Variants in MEGF11 observed in about 807,000 individuals in gnomAD.
The protein encoded by MEGF11 is multiple EGF like domains 11.
In MEGF11, 126 loss-of-function variants were observed where a neutral mutation model predicts 146.6. The ratio of observed to expected loss-of-function variants is 0.86; its 90% CI spans 0.74 to 1.00. The LOEUF is 1.00. MEGF11 is among the 50% of genes least tolerant of loss of function. MEGF11 has a pLI of 0.00. For missense variants in MEGF11, 1,509 were observed against 1,521.2 expected (o/e 0.99, Z 0.13); for synonymous variants, 532 against 583.4 (o/e 0.91, Z 1.27).
At position 65,897,001 on chromosome 15, in the gene MEGF11, C is replaced by T. The variant is rs2078370772; in HGVS notation, c.*933G>A. 6.6e-6 allele frequency: 1 copy of T among 152,206 alleles called. No homozygotes were observed. The highest frequency in any genetic ancestry group is 2.4e-5 in the African/African-American group (1 of 41,468). The allele number at this position is 152,206 out of a possible 1,614,324, so 9.4% of individuals were successfully genotyped here. A position where few individuals can be genotyped will look rare whatever the true frequency, so the allele number is the denominator to read the frequency against. On this transcript the variant is annotated 3_prime_UTR_variant, in exon 26 of 26. Transcript: ENST00000395614. ...TTTATGAAGAACTTGAAAGCAAGTA[C>T]TCTTGAGTCAAGGGATGCTGACCAA...
At chr15:66,123,877 A>G (rs1240442115) in intron 3 of MEGF11, 22 bp downstream of exon 3, 1 of 1,598,274 alleles carries the variant, frequency 6.3e-7, no homozygotes, top group Non-Finnish European at 8.6e-7. Context: ...TCCCTGCCCC[A>G]TCATCTGAGA....
intron 1 of MEGF11, among the ~76,000 whole-genome samples, chr15:66,217,970 C>T (rs1368004539): frequency 6.6e-6 from 1 of 152,186 alleles, no homozygotes; most frequent in Non-Finnish European, 1.5e-5. Context: ...GTCCTGAAGC[C>T]AATAACTTGC....
intron 20 of MEGF11, among the ~76,000 whole-genome samples, chr15:65,913,151 A>T (rs1355842052): frequency 1.3e-5 from 2 of 152,186 alleles, no homozygotes; most frequent in African/African-American, 2.4e-5. Context: ...ACTCCCAAAT[A>T]AAATGCCTAT....
At chr15:66,124,081 A>G (rs1428558993) in intron 2 of MEGF11, 81 bp from the exon 3 acceptor site, 2 of 1,142,416 alleles carry the variant, frequency 1.8e-6, no homozygotes, top group Non-Finnish European at 2.6e-6. Flanking sequence ...CTGAGCCCAC[A>G]GCCCTGAGGC....
At chr15:66,188,528 C>A (rs956496665) in intron 1 of MEGF11, among the ~76,000 whole-genome samples, 2 of 152,174 alleles carry the variant, frequency 1.3e-5, no homozygotes, top group Non-Finnish European at 2.9e-5. Context: ...GACCTTCCCG[C>A]ACACACGCTC....
intron 5 of MEGF11, among the ~76,000 whole-genome samples, chr15:66,017,135 C>T (rs1011323015): frequency 1.3e-5 from 2 of 152,088 alleles, no homozygotes; most frequent in African/African-American, 2.4e-5. Flanking sequence ...CAGTAGGGGA[C>T]GGAGGAGGGG....
At chr15:65,943,514 C>T (rs1201876363) in intron 10 of MEGF11, among the ~76,000 whole-genome samples, 1 of 152,124 alleles carries the variant, frequency 6.6e-6, no homozygotes, top group African/African-American at 2.4e-5. Context: ...GTGTGATTAA[C>T]ACGTGAGCCC....
chr15:66,207,084 A>C (rs1169661369), intron 1 of MEGF11, among the ~76,000 whole-genome samples: 2 of 152,190 alleles, frequency 1.3e-5, no homozygotes, highest in Admixed American at 6.6e-5. Context: ...ATGTCAATAC[A>C]CACATAATGG....
chr15:66,039,446 C>G (rs2083862834), intron 5 of MEGF11, among the ~76,000 whole-genome samples: 1 of 152,214 alleles, frequency 6.6e-6, no homozygotes, highest in Non-Finnish European at 1.5e-5. Flanking sequence ...TGTGCATTTG[C>G]TCTCTAATGT....
intron 1 of MEGF11, among the ~76,000 whole-genome samples, chr15:66,164,490 C>T (rs2090045128): frequency 6.6e-6 from 1 of 152,178 alleles, no homozygotes; most frequent in African/African-American, 2.4e-5. Flanking sequence ...GCCATGGACC[C>T]TGGGCAAGTG....
At chr15:66,077,337 G>A (rs1003019032) in intron 5 of MEGF11, among the ~76,000 whole-genome samples, 9 of 152,126 alleles carry the variant, frequency 5.9e-5, no homozygotes, top group African/African-American at 1.9e-4. Flanking sequence ...GCATCTTTCC[G>A]ATCTCTCCAC....
intron 4 of MEGF11, among the ~76,000 whole-genome samples, chr15:66,105,913 C>A (rs1270141832): frequency 6.6e-6 from 1 of 152,208 alleles, no homozygotes; most frequent in Non-Finnish European, 1.5e-5. Context: ...CAGTTGCCGC[C>A]ACTCTGGCTC....
At chr15:66,126,166 T>G (rs545068013) in intron 2 of MEGF11, among the ~76,000 whole-genome samples, 12 of 152,172 alleles carry the variant, frequency 7.9e-5, no homozygotes, top group African/African-American at 2.9e-4. Context: ...CCAGAAGCAC[T>G]AATCCAGCTG....
At chr15:65,955,789 T>C (rs1161299110) in intron 10 of MEGF11, among the ~76,000 whole-genome samples, 228 of 6,340 alleles carry the variant, frequency 0.036, 24 homozygotes, top group Non-Finnish European at 0.092. Flanking sequence ...TATATATATA[T>C]ATATACACAC....
intron 1 of MEGF11, among the ~76,000 whole-genome samples, chr15:66,187,651 C>T (rs574329995): frequency 6.6e-6 from 1 of 151,642 alleles, no homozygotes; most frequent in African/African-American, 2.4e-5. Flanking sequence ...CCCTCATCCA[C>T]AACCCTCGGA....
intron 5 of MEGF11, among the ~76,000 whole-genome samples, chr15:66,091,044 C>T (rs1259077258): frequency 2.0e-5 from 3 of 152,038 alleles, no homozygotes; most frequent in African/African-American, 7.3e-5. Context: ...ACAGGTATAA[C>T]TTAAGAACCA....
chr15:66,145,291 G>C (rs904493963), intron 1 of MEGF11, among the ~76,000 whole-genome samples: 3 of 152,106 alleles, frequency 2.0e-5, no homozygotes, highest in Non-Finnish European at 2.9e-5. Context: ...ATGCTAATGG[G>C]GAGGAAGCTG....
At chr15:66,122,682 A>G (rs2088092725) in intron 3 of MEGF11, among the ~76,000 whole-genome samples, 1 of 151,968 alleles carries the variant, frequency 6.6e-6, no homozygotes, top group Non-Finnish European at 1.5e-5. Flanking sequence ...ACTTTCCTCC[A>G]TTTTCCCCTG....
intron 10 of MEGF11, among the ~76,000 whole-genome samples, chr15:65,938,164 T>C (rs2141354518): frequency 6.6e-6 from 1 of 152,332 alleles, no homozygotes; most frequent in East Asian, 1.9e-4. Context: ...AGATAGCCCA[T>C]GATGCTAGAG....
Sources: gnomAD v4.1 joint callset for allele counts (sites outside exome capture counted in the v4.1 genomes callset) on GRCh38, gnomAD v4.1.1 for gene constraint, MANE v1.5 for transcripts, NCBI Gene and HGNC (gene_info 2026-07-23, HGNC 2026-07-21) for gene names.